The following GRM8 variants were observed in gnomAD, a reference collection of about 807,000 sequenced individuals.
GRM8 encodes the protein glutamate metabotropic receptor 8.
Under a neutral mutation model 87.2 loss-of-function variants are expected in GRM8, and 47 were observed. The observed-to-expected ratio is 0.54, with a 90% CI of 0.43 to 0.69. The LOEUF is 0.69. Among genes scored for constraint, GRM8 ranks in the 30% least tolerant of loss-of-function variants. GRM8 has a pLI of 0.00. For synonymous variants in GRM8, 396 were observed against 404.5 expected, an observed-to-expected ratio of 0.98 and a Z score of 0.25; for missense variants, 1,019 against 1,139.2, an observed-to-expected ratio of 0.89 and a Z score of 1.52.
At chr7:126,663,879 A>C (rs1805481013) in intron 7 of GRM8, among the ~76,000 whole-genome samples, 1 of 152,178 alleles carries the variant, frequency 6.6e-6, no homozygotes, top group Non-Finnish European at 1.5e-5. Context: ...ATATTATTCT[A>C]TACCTAGAAA....
intron 2 of GRM8, among the ~76,000 whole-genome samples, chr7:127,189,436 C>T (rs765976784): frequency 2.0e-5 from 3 of 152,188 alleles, no homozygotes; most frequent in African/African-American, 4.8e-5. Flanking sequence ...GTTTCTTTTT[C>T]GTTCTCCTGA....
At chr7:126,784,590 C>T (rs73446487) in intron 6 of GRM8, among the ~76,000 whole-genome samples, 1,593 of 152,248 alleles carry the variant, frequency 0.01, 28 homozygotes, top group African/African-American at 0.036. Flanking sequence ...AATGTACACA[C>T]GTTCCTAAAT....
chr7:127,251,692 C>T (rs868157503), intron 1 of GRM8, among the ~76,000 whole-genome samples: 7 of 151,288 alleles, frequency 4.6e-5, no homozygotes, highest in Non-Finnish European at 1.5e-5. Context: ...CCTGGCCGCC[C>T]GAGCGCCCGC....
intron 1 of GRM8, among the ~76,000 whole-genome samples, chr7:127,251,539 T>C (rs914552269): frequency 3.9e-5 from 6 of 152,072 alleles, no homozygotes; most frequent in Non-Finnish European, 2.9e-5. Context: ...GGTTCCTTTT[T>C]CTTCTCAGTT....
chr7:126,772,153 T>G (rs1301617877), intron 6 of GRM8, among the ~76,000 whole-genome samples: 2 of 152,110 alleles, frequency 1.3e-5, no homozygotes, highest in African/African-American at 4.8e-5. Flanking sequence ...TAGATTCTAG[T>G]CTGGTAACTA....
At chr7:126,706,266 T>C (rs1209189905) in intron 7 of GRM8, among the ~76,000 whole-genome samples, 1 of 152,140 alleles carries the variant, frequency 6.6e-6, no homozygotes, top group African/African-American at 2.4e-5. Context: ...CAATTTGATA[T>C]AAAGAATGGC....
chr7:126,477,615 G>T (rs1416045855), intron 9 of GRM8, among the ~76,000 whole-genome samples: 2 of 127,616 alleles, frequency 1.6e-5, no homozygotes, highest in African/African-American at 5.9e-5. Context: ...AAGAAAGAAA[G>T]AAAGAAAGAA....
intron 3 of GRM8, among the ~76,000 whole-genome samples, chr7:127,043,909 G>A (rs567011854): frequency 2.6e-4 from 40 of 151,790 alleles, no homozygotes; most frequent in African/African-American, 7.5e-4. Context: ...AGATTAGGGG[G>A]ACAGGAGTCC....
At chr7:126,822,619 C>G (rs1240013076) in intron 6 of GRM8, among the ~76,000 whole-genome samples, 1 of 151,784 alleles carries the variant, frequency 6.6e-6, no homozygotes, top group Admixed American at 6.6e-5. Context: ...AGTGCAGTGT[C>G]TATTCACAGG....
chr7:126,865,073 A>C (rs1377095272), intron 6 of GRM8, among the ~76,000 whole-genome samples: 2 of 152,196 alleles, frequency 1.3e-5, no homozygotes, highest in African/African-American at 2.4e-5. Context: ...AGCTAAGCAG[A>C]ATCCTAGCTC....
intron 8 of GRM8, among the ~76,000 whole-genome samples, chr7:126,604,335 T>C (rs1585194423): frequency 6.6e-6 from 1 of 152,092 alleles, no homozygotes; most frequent in African/African-American, 2.4e-5. Flanking sequence ...ACAGACAAGT[T>C]ATCATGGTGC....
intron 6 of GRM8, among the ~76,000 whole-genome samples, chr7:126,813,255 A>G (rs1793469081): frequency 6.6e-6 from 1 of 152,108 alleles, no homozygotes; most frequent in Non-Finnish European, 1.5e-5. Flanking sequence ...GTTTGGGGAA[A>G]ATGCTATAGC....
chr7:127,087,441 T>C (rs1823625836), intron 3 of GRM8, among the ~76,000 whole-genome samples: 1 of 152,104 alleles, frequency 6.6e-6, no homozygotes, highest in Non-Finnish European at 1.5e-5. Context: ...AATTAAGAAG[T>C]TTCCAAAAAC....
chr7:127,042,025 T>C (rs1298971057), intron 3 of GRM8, among the ~76,000 whole-genome samples: 1 of 152,190 alleles, frequency 6.6e-6, no homozygotes, highest in Non-Finnish European at 1.5e-5. Context: ...CCGTTCATCT[T>C]GGCACTAACA....
intron 9 of GRM8, among the ~76,000 whole-genome samples, chr7:126,486,735 TAAC>T (rs1333536874): frequency 6.6e-6 from 1 of 152,102 alleles, no homozygotes; most frequent in Admixed American, 6.6e-5. Flanking sequence ...TTATTTATAA[TAAC>T]AAAGGTAAGC....
chr7:126,882,207 GT>G (rs1044180395), intron 6 of GRM8, among the ~76,000 whole-genome samples: 21 of 150,546 alleles, frequency 1.4e-4, no homozygotes, highest in East Asian at 5.9e-4. Flanking sequence ...ACACAAACAG[GT>G]TTTTTTTTTC....
intron 8 of GRM8, among the ~76,000 whole-genome samples, chr7:126,585,134 AAAAT>A (rs1204401235): frequency 1.3e-5 from 2 of 152,298 alleles, no homozygotes; most frequent in African/African-American, 2.4e-5. Flanking sequence ...TTTAACTATA[AAAAT>A]AAATAGATAA....
intron 7 of GRM8, among the ~76,000 whole-genome samples, chr7:126,744,178 G>C (rs559537941): frequency 1.3e-5 from 2 of 152,148 alleles, no homozygotes; most frequent in Non-Finnish European, 2.9e-5. Flanking sequence ...TGACTCAGGA[G>C]GGGTGGGGGA....
At chr7:127,019,175 A>C (rs1267912711) in intron 3 of GRM8, among the ~76,000 whole-genome samples, 1 of 152,122 alleles carries the variant, frequency 6.6e-6, no homozygotes, top group African/African-American at 2.4e-5. Flanking sequence ...CAAACTATAC[A>C]ATGAATGTGT....
Sources: gnomAD v4.1 joint callset for allele counts (sites outside exome capture counted in the v4.1 genomes callset) on GRCh38, gnomAD v4.1.1 for gene constraint, MANE v1.5 for transcripts, NCBI Gene and HGNC (gene_info 2026-07-23, HGNC 2026-07-21) for gene names.